Variants in IKBKE observed in about 807,000 individuals in gnomAD.
IKBKE encodes inhibitor of nuclear factor kappa B kinase subunit epsilon, also known as inhibitor of nuclear factor kappa-B kinase subunit epsilon.
A neutral mutation model predicts 92.1 loss-of-function variants in IKBKE; 45 were observed. The ratio of observed to expected loss-of-function variants is 0.49; its 90% CI spans 0.38 to 0.63. The LOEUF (loss-of-function observed/expected upper bound fraction) is 0.63. Ranked by LOEUF, IKBKE falls within the 20% of genes least tolerant of loss-of-function variation. The pLI is 0.00. For synonymous variants in IKBKE, 374 were observed against 380.3 expected (o/e 0.98, Z 0.19); for missense variants, 700 against 932.8 (o/e 0.75, Z 3.25).
intron 7 of IKBKE, among the ~76,000 whole-genome samples, chr1:206,477,235 TGGCTGGA>T (rs1665117412): frequency 6.6e-6 from 1 of 152,032 alleles, no homozygotes; most frequent in African/African-American, 2.4e-5. Context: ...AAGTAGCAAG[TGGCTGGA>T]GACAGTAGCG....
In IKBKE at chr1:206,480,465, A is replaced by T. The variant is rs1416046230; in HGVS notation, c.1359A>T (p.Thr453=). The T allele has an allele frequency of 1.2e-6, 2 of 1,613,818 alleles. No homozygotes were observed. The highest frequency in any genetic ancestry group is 2.7e-5 in the African/African-American group (2 of 74,970). Residue 453 remains threonine (T), a synonymous_variant, in exon 13 of 22, where the codon ACA becomes ACT. Transcript: ENST00000581977. The part of the protein sequence containing the change: ...LHWVMEVLQA[T]CRRTLEVART... ...TGGACAGGGAGGTGCTCCAGGCCAC[A>T]TGCAGACGGACTCTGGAAGTGGCAA...
chr1:206,474,210 T>C lies in IKBKE; in HGVS notation c.88-121T>C, dbSNP rs147017413. On this transcript the variant is annotated intron_variant, in intron 3 of 21. Transcript: ENST00000581977. ...GAGCCCCCATCCAACCAGGCTAATC[T>C]CTGGGGTTGGGCTGGCCGGAGAGGC... 75 of 929,784 alleles carry C rather than the reference T, an allele frequency of 8.1e-5. No individual in the cohort carries two copies. In the African/African-American group the frequency reaches 1.1e-3, roughly 14 times the overall value. 57.6% of individuals were successfully genotyped at this position (929,784 alleles called of 1,614,324 possible). A position where few individuals can be genotyped will look rare whatever the true frequency, so the allele number is the denominator to read the frequency against.
rs1039080449 is a variant in IKBKE at position 206,485,393 on chromosome 1, A to G, written c.1616+87A>G. On this transcript the variant is annotated intron_variant, in intron 15 of 21. Coordinates refer to ENST00000581977, the MANE Select transcript of IKBKE (RefSeq NM_014002.4). This position sits in a 1 kb window ranked among gnomAD's most constrained non-coding sequence, Gnocchi z 5.0. ...AGTAACCTTTAGCCTTTTAGACGTC[A>G]GCTTGCATTCCCCTTTCTCTTGGCA... 2 of 775,624 alleles carry G rather than the reference A, an allele frequency of 2.6e-6. No homozygotes were observed. Among genetic ancestry groups the G allele is most frequent in the Non-Finnish European group, 4.5e-6 (2 of 441,638 alleles). The allele number at this position is 775,624 out of a possible 1,614,324, so 48.0% of individuals were successfully genotyped here. A position where few individuals can be genotyped will look rare whatever the true frequency, so the allele number is the denominator to read the frequency against.
chr1:206,473,024 G>C (rs1262703413), intron 2 of IKBKE, 172 bp from the exon 3 acceptor site: 4 of 587,948 alleles, frequency 6.8e-6, no homozygotes, highest in Admixed American at 3.3e-5. Flanking sequence ...CGTCCTTTTG[G>C]GGAAGTTACT....
At chr1:206,470,941 G>T (rs1664742524) in intron 1 of IKBKE, among the ~76,000 whole-genome samples, 1 of 152,202 alleles carries the variant, frequency 6.6e-6, no homozygotes, top group African/African-American at 2.4e-5. Context: ...CTTTCCCGGG[G>T]TCTTTCTCCC....
Position 206,485,959 on chromosome 1 carries a change from C to T in IKBKE, c.1616+653C>T, listed in dbSNP as rs1001462448. 6.6e-6 allele frequency among the ~76,000 whole-genome samples: 1 copy of T among 152,236 alleles called. No individual in the cohort carries two copies. The highest frequency in any genetic ancestry group is 1.5e-5 in the Non-Finnish European group (1 of 68,042). On this transcript the variant is annotated intron_variant, in intron 15 of 21. Coordinates refer to ENST00000581977, the MANE Select transcript of IKBKE (RefSeq NM_014002.4). This position sits in a 1 kb window ranked among gnomAD's most constrained non-coding sequence, Gnocchi z 5.0. ...GGGGATGGGTGGTACCCAGCGCGGACCTCCTCCCCATTCTCTGCTGGTGCC... is the reference window on the plus strand; with the variant it reads ...GGGGATGGGTGGTACCCAGCGCGGATCTCCTCCCCATTCTCTGCTGGTGCC...
intron 13 of IKBKE, among the ~76,000 whole-genome samples, chr1:206,483,932 A>T (rs1189969052): frequency 6.6e-6 from 1 of 150,654 alleles, no homozygotes; most frequent in Admixed American, 6.6e-5. Flanking sequence ...AGTTTTAAAA[A>T]TTTTTTTTTA....
At chr1:206,477,013 G>A (rs1553385572) in intron 7 of IKBKE, among the ~76,000 whole-genome samples, 175 bp downstream of exon 7, 1 of 152,176 alleles carries the variant, frequency 6.6e-6, no homozygotes, top group African/African-American at 2.4e-5. Context: ...ACAAGCAGCT[G>A]AGCTCTGCCC....
chr1:206,471,683 T>C (rs1165680346), intron 2 of IKBKE, among the ~76,000 whole-genome samples: 1 of 152,156 alleles, frequency 6.6e-6, no homozygotes, highest in East Asian at 1.9e-4. Flanking sequence ...GCTACTGTGT[T>C]GTCTTCAGGA....
Position 206,490,955 on chromosome 1 carries a change from C to T in IKBKE, c.1733+97C>T. On this transcript the variant is annotated intron_variant, in intron 17 of 21. Transcript: ENST00000581977. This position sits in a 1 kb window ranked among gnomAD's most constrained non-coding sequence, Gnocchi z 5.2. Reference sequence around the variant, plus strand: ...GCCAGAGGAGAGGCAGTGAAGGGCCCTGTCCCGGACTGCAGCTGAGCAGAG... The same window carrying T: ...GCCAGAGGAGAGGCAGTGAAGGGCCTTGTCCCGGACTGCAGCTGAGCAGAG... The T allele has an allele frequency of 1.8e-6, 2 of 1,113,750 alleles. No homozygotes were observed. The highest frequency in any genetic ancestry group is 2.7e-6 in the Non-Finnish European group (2 of 732,130). The allele number at this position is 1,113,750 out of a possible 1,614,324, so 69.0% of individuals were successfully genotyped here.
At chr1:206,471,626 T>G (rs1664777677) in intron 2 of IKBKE, among the ~76,000 whole-genome samples, 1 of 152,194 alleles carries the variant, frequency 6.6e-6, no homozygotes, top group Non-Finnish European at 1.5e-5. Flanking sequence ...ACCTGCTGGC[T>G]GCCTCCAGCC....
Position 206,478,796 on chromosome 1 carries a change from A to G in IKBKE, c.993-147A>G. 1.4e-6 allele frequency: 1 copy of G among 700,090 alleles called. No individual in the cohort carries two copies. Among genetic ancestry groups the G allele is most frequent in the Non-Finnish European group, 2.6e-6 (1 of 390,810 alleles). The allele number at this position is 700,090 out of a possible 1,614,324, so 43.4% of individuals were successfully genotyped here. On this transcript the variant is annotated intron_variant, in intron 9 of 21. Transcript: ENST00000581977. The surrounding 1 kb of genome is among the most constrained non-coding windows in gnomAD (Gnocchi z 4.8). ...TCTCCCCTTGGTCTCTCCACCCTTGATGACAGAGAAAACCACCCCCGTCCC... is the reference window on the plus strand; with the variant it reads ...TCTCCCCTTGGTCTCTCCACCCTTGGTGACAGAGAAAACCACCCCCGTCCC...
In IKBKE at chr1:206,496,108, G is replaced by A; in HGVS notation, c.2118-4G>A. The stretch of plus-strand genomic sequence containing the variant: ...GCACTGCTAGCCTGTACCTTTTCTT[G>A]TAGGCTAAATAGAGTCCCAGCACCT... On this transcript the variant is annotated splice_polypyrimidine_tract_variant and splice_region_variant and intron_variant, in intron 21 of 21. Transcript: ENST00000581977. 3 of 1,613,090 alleles carry A rather than the reference G, an allele frequency of 1.9e-6. No individual in the cohort carries two copies. Among genetic ancestry groups the A allele is most frequent in the Non-Finnish European group, 1.7e-6 (2 of 1,179,084 alleles).
intron 2 of IKBKE, 157 bp from the exon 3 acceptor site, chr1:206,473,039 C>T: frequency 3.2e-6 from 2 of 623,018 alleles, no homozygotes; most frequent in Non-Finnish European, 5.8e-6. Context: ...GTTACTTAAC[C>T]TTTCTGTGCT....
chr1:206,483,767 G>A (rs1230829116), intron 13 of IKBKE, among the ~76,000 whole-genome samples: 2 of 152,122 alleles, frequency 1.3e-5, no homozygotes, highest in Non-Finnish European at 2.9e-5. Context: ...TCTACTATGA[G>A]TAAACATTAA....
intron 18 of IKBKE, chr1:206,492,748 G>T: frequency 1.7e-6 from 1 of 593,490 alleles, no homozygotes; most frequent in East Asian, 3.7e-5. Flanking sequence ...CACCATAGGT[G>T]GCATGCGTCA....
rs554202797 is a variant in IKBKE at position 206,496,281 on chromosome 1, G to A, written c.*136G>A. 80 of 741,466 alleles carry A rather than the reference G, an allele frequency of 1.1e-4. No homozygotes were observed. The African/African-American group carries it at 1.3e-3, about 12-fold the overall frequency. 45.9% of individuals were successfully genotyped at this position (741,466 alleles called of 1,614,324 possible). A position where few individuals can be genotyped will look rare whatever the true frequency, so the allele number is the denominator to read the frequency against. On this transcript the variant is annotated 3_prime_UTR_variant, in exon 22 of 22. Coordinates refer to ENST00000581977, the MANE Select transcript of IKBKE (RefSeq NM_014002.4). ...CTCCCTCCTGGCTGCTGGCCAGGATGTCGCCAGCATTACCTTCCACTGCCT... is the reference window on the plus strand; with the variant it reads ...CTCCCTCCTGGCTGCTGGCCAGGATATCGCCAGCATTACCTTCCACTGCCT...
In IKBKE at chr1:206,476,514, G is replaced by A. The variant is rs1413055863; in HGVS notation, c.540+152G>A. ...TACCCCAACCAGAAGAATGCATTCT[G>A]TTCTCTAAGATGGAAAAGGTGAGGC... On this transcript the variant is annotated intron_variant, in intron 6 of 21. Coordinates refer to ENST00000581977, the MANE Select transcript of IKBKE (RefSeq NM_014002.4). This position sits in a 1 kb window ranked among gnomAD's most constrained non-coding sequence, Gnocchi z 5.1. 3.5e-6 allele frequency: 4 copies of A among 1,128,412 alleles called. No individual in the cohort carries two copies. The African/African-American group carries it at 4.7e-5, about 13-fold the overall frequency. 69.9% of individuals were successfully genotyped at this position (1,128,412 alleles called of 1,614,324 possible). A position where few individuals can be genotyped will look rare whatever the true frequency, so the allele number is the denominator to read the frequency against.
Position 206,479,071 on chromosome 1 carries a change from C to T in IKBKE, c.1121C>T (p.Thr374Met), listed in dbSNP as rs782715972. Residue 374 changes from threonine to methionine, a missense_variant, in exon 10 of 22, where the codon ACG (threonine) becomes ATG (methionine). Transcript: ENST00000581977. Reference protein sequence around the residue: ...SVSAQHIAHTTASSPLTLFST... With the variant: ...SVSAQHIAHTMASSPLTLFST... ...TCAGCACAGCACATCGCCCACACGA[C>T]GGCAAGCAGCCCCCTGACCCTCTTC... The T allele has an allele frequency of 4.3e-6, 7 of 1,613,782 alleles. No homozygotes were observed. Among genetic ancestry groups the T allele is most frequent in the East Asian group, 2.2e-5 (1 of 44,878 alleles).
Sources: gnomAD v4.1 joint callset for allele counts (sites outside exome capture counted in the v4.1 genomes callset) on GRCh38, gnomAD v4.1.1 for gene constraint, Gnocchi (gnomAD v3.1) non-coding constraint, MANE v1.5 for transcripts, NCBI Gene and HGNC (gene_info 2026-07-23, HGNC 2026-07-21) for gene names.